ROBO1: variants seen among roughly 807,000 people sequenced by gnomAD.
The protein encoded by ROBO1 is roundabout guidance receptor 1, also known as roundabout homolog 1.
A neutral mutation model predicts 195.9 loss-of-function variants in ROBO1; 149 were observed. The ratio of observed to expected loss-of-function variants is 0.76; its 90% CI spans 0.67 to 0.87. ROBO1 has a LOEUF of 0.87. ROBO1 is among the 40% of genes least tolerant of loss of function. The pLI, the probability that ROBO1 is intolerant of heterozygous loss-of-function variation, is 0.00. For missense variants in ROBO1, 1,933 were observed against 2,068.3 expected, an observed-to-expected ratio of 0.93 and a Z score of 1.27; for synonymous variants, 816 against 733.2, an observed-to-expected ratio of 1.11 and a Z score of -1.82.
intron 1 of ROBO1, among the ~76,000 whole-genome samples, chr3:79,689,818 C>A (rs1256905125): frequency 6.6e-6 from 1 of 151,890 alleles, no homozygotes; most frequent in South Asian, 2.1e-4. Context: ...ATCTTGGTAG[C>A]AAAATGTCTA....
intron 8 of ROBO1, among the ~76,000 whole-genome samples, chr3:78,696,764 A>T (rs2081307313): frequency 6.7e-6 from 1 of 148,822 alleles, no homozygotes; most frequent in African/African-American, 2.5e-5. Context: ...ATATATATAT[A>T]AACTGGTTTT....
chr3:79,009,864 G>A (rs546297217), intron 3 of ROBO1, among the ~76,000 whole-genome samples: 10 of 152,240 alleles, frequency 6.6e-5, no homozygotes, highest in African/African-American at 2.4e-4. Context: ...ACAGAAGTTG[G>A]ATAACAGTGA....
At chr3:78,871,524 T>G (rs1448780600) in intron 4 of ROBO1, among the ~76,000 whole-genome samples, 2 of 152,160 alleles carry the variant, frequency 1.3e-5, no homozygotes, top group Non-Finnish European at 2.9e-5. Context: ...TCATTCACAG[T>G]GCTACTTAAT....
chr3:79,074,572 C>A (rs1044648836), intron 3 of ROBO1, among the ~76,000 whole-genome samples: 3 of 151,402 alleles, frequency 2.0e-5, no homozygotes, highest in Non-Finnish European at 4.4e-5. Flanking sequence ...CGCATGCCAC[C>A]ATGTTCAGCT....
intron 2 of ROBO1, among the ~76,000 whole-genome samples, chr3:79,291,713 TCTGGTTACTTTTGGGCACA>T (rs1439141164): frequency 6.6e-6 from 1 of 152,210 alleles, no homozygotes; most frequent in African/African-American, 2.4e-5. Context: ...CCTTGTGAAT[TCTGGTTACTTTTGGGCACA>T]CTACCACATA....
chr3:78,879,527 TA>T (rs36093275), intron 4 of ROBO1, among the ~76,000 whole-genome samples: 229 of 146,952 alleles, frequency 1.6e-3, no homozygotes, highest in Middle Eastern at 3.5e-3. Flanking sequence ...TTCATTCATT[TA>T]AAAAAAAAAA....
At chr3:78,616,874 G>C (rs1425766367) in intron 27 of ROBO1, among the ~76,000 whole-genome samples, 1 of 151,988 alleles carries the variant, frequency 6.6e-6, no homozygotes, top group Non-Finnish European at 1.5e-5. Context: ...AAACAGAATT[G>C]GGAAGAGGAG....
chr3:79,261,209 C>A (rs914655987), intron 2 of ROBO1, among the ~76,000 whole-genome samples: 28 of 151,998 alleles, frequency 1.8e-4, no homozygotes, highest in African/African-American at 6.8e-4. Context: ...GCTGCATTTA[C>A]ACCTAAAGGA....
chr3:79,199,345 A>C (rs1480010413), intron 2 of ROBO1, among the ~76,000 whole-genome samples: 1 of 151,840 alleles, frequency 6.6e-6, no homozygotes, highest in Non-Finnish European at 1.5e-5. Flanking sequence ...TTCTAAGAAG[A>C]GAAATGACCA....
intron 2 of ROBO1, among the ~76,000 whole-genome samples, chr3:79,444,015 A>T (rs2039149683): frequency 1.3e-5 from 2 of 152,112 alleles, no homozygotes; most frequent in Admixed American, 6.5e-5. Context: ...TATACCAGTC[A>T]CAAAAATTTA....
At chr3:78,991,259 T>G (rs775527471) in intron 3 of ROBO1, among the ~76,000 whole-genome samples, 7 of 151,980 alleles carry the variant, frequency 4.6e-5, no homozygotes, top group Non-Finnish European at 8.8e-5. Flanking sequence ...ACAAGAGATA[T>G]TAGTACAATT....
chr3:78,668,785 A>C (rs1707887739), intron 11 of ROBO1, among the ~76,000 whole-genome samples: 1 of 151,982 alleles, frequency 6.6e-6, no homozygotes, highest in African/African-American at 2.4e-5. Flanking sequence ...TAATGGTATA[A>C]TAAGAAATAT....
At chr3:79,499,183 C>T (rs1575921058) in intron 2 of ROBO1, among the ~76,000 whole-genome samples, 1 of 152,124 alleles carries the variant, frequency 6.6e-6, no homozygotes, top group Non-Finnish European at 1.5e-5. Context: ...TTAGTAGAGA[C>T]GGGGTTTCGC....
In ROBO1 at chr3:79,686,243, G is replaced by T. The variant is rs184908725; in HGVS notation, c.-51+81509C>A. ...TCTCAAAATAATAAGAGCTATCTAT[G>T]ACAAACCCATAGCCAATATCATACT... On this transcript the variant is annotated intron_variant, in intron 1 of 30. Coordinates refer to ENST00000464233, the MANE Select transcript of ROBO1 (RefSeq NM_002941.4). Among the ~76,000 whole-genome samples, 864 of 152,274 alleles carry T rather than the reference G, an allele frequency of 5.7e-3. 6 individuals carry two copies. The highest frequency in any genetic ancestry group is 0.018 in the African/African-American group (748 of 41,552).
At chr3:79,722,115 C>T (rs1181975108) in intron 1 of ROBO1, among the ~76,000 whole-genome samples, 1 of 152,040 alleles carries the variant, frequency 6.6e-6, no homozygotes, top group Non-Finnish European at 1.5e-5. Context: ...AGGAAACAGA[C>T]TTTAAAAGTA....
intron 1 of ROBO1, among the ~76,000 whole-genome samples, chr3:79,591,323 T>C (rs967823100): frequency 1.3e-5 from 2 of 151,836 alleles, no homozygotes; most frequent in Non-Finnish European, 2.9e-5. Flanking sequence ...GAGCTGTCCT[T>C]ATTGTATGAC....
intron 4 of ROBO1, among the ~76,000 whole-genome samples, chr3:78,906,362 G>T (rs1026859145): frequency 2.0e-5 from 3 of 152,110 alleles, no homozygotes; most frequent in Non-Finnish European, 4.4e-5. Flanking sequence ...GGGACCAATG[G>T]TGCCTTACTG....
chr3:79,442,119 ATT>A (rs1278335684), intron 2 of ROBO1, among the ~76,000 whole-genome samples: 1 of 152,162 alleles, frequency 6.6e-6, no homozygotes, highest in Non-Finnish European at 1.5e-5. Context: ...AAATAATAAA[ATT>A]CACAGAAGAC....
chr3:79,682,548 T>TA (rs35641338), intron 1 of ROBO1, among the ~76,000 whole-genome samples: 13 of 151,968 alleles, frequency 8.6e-5, no homozygotes, highest in Non-Finnish European at 1.8e-4. Context: ...AATGGATTTT[T>TA]AAAAAATAGA....
Sources: gnomAD v4.1 joint callset for allele counts (sites outside exome capture counted in the v4.1 genomes callset) on GRCh38, gnomAD v4.1.1 for gene constraint, MANE v1.5 for transcripts, NCBI Gene and HGNC (gene_info 2026-07-23, HGNC 2026-07-21) for gene names.